SLC9A6: variants seen among roughly 807,000 people sequenced by gnomAD.
The protein encoded by SLC9A6 is solute carrier family 9 member A6.
SLC9A6 carries 6 observed loss-of-function variants against 45.3 expected under a neutral mutation model. That is an observed-to-expected ratio of 0.13 (90% CI 0.07 to 0.26). SLC9A6 has a LOEUF of 0.26. Ranked by LOEUF, SLC9A6 falls within the 10% of genes least tolerant of loss-of-function variation. The pLI is 1.00. For missense variants in SLC9A6, 278 were observed against 503.7 expected, an observed-to-expected ratio of 0.55 and a Z score of 4.29; for synonymous variants, 191 against 187.7, an observed-to-expected ratio of 1.02 and a Z score of -0.14.
chrX:136,022,610 G>A lies in SLC9A6; in HGVS notation c.1219G>A (p.Ala407Thr). The A allele has an allele frequency of 8.4e-7, 1 of 1,190,228 alleles. No individual in the cohort carries two copies. The highest frequency in any genetic ancestry group is 1.1e-6 in the Non-Finnish European group (1 of 879,721). ...AFVAIFLGRAANIYPLSLLLN... is the reference protein window; with the variant it reads ...AFVAIFLGRATNIYPLSLLLN... ...GGTTGCTATTTTCTTGGGAAGAGCT[G>A]CCAATATTTACCCCTTGTCCCTCTT... Residue 407 changes from alanine to threonine, a missense_variant, in exon 12 of 18, where the codon GCC becomes ACC. Physicochemically the swap from Ala to Thr is moderately conservative, Grantham distance 58. Transcript: ENST00000630721.
At chrX:136,010,231 C>CCG in intron 7 of SLC9A6, 7 of 341,243 alleles carry the variant, frequency 2.1e-5, no homozygotes, top group Non-Finnish European at 3.1e-5. Flanking sequence ...TCTACCCCCC[C>CCG]CCCGAAATTA....
intron 12 of SLC9A6, among the ~76,000 whole-genome samples, chrX:136,023,149 T>C (rs1390571394): frequency 1.5e-5 from 1 of 65,444 alleles, no homozygotes; most frequent in Non-Finnish European, 2.7e-5. Flanking sequence ...CATCCTTGAA[T>C]AGAAAAAGAA....
At chrX:136,011,833 G>C (rs1485095191) in intron 8 of SLC9A6, among the ~76,000 whole-genome samples, 1 of 111,363 alleles carries the variant, frequency 9.0e-6, no homozygotes, top group Non-Finnish European at 1.9e-5. Flanking sequence ...GCTCGTGCCT[G>C]TAATCCTAGC....
chrX:136,001,336 C>CAA (rs569372174), intron 6 of SLC9A6, among the ~76,000 whole-genome samples: 52 of 23,198 alleles, frequency 2.2e-3, no homozygotes, highest in African/African-American at 3.7e-3. Flanking sequence ...GACTCCATCT[C>CAA]AAAAAAAAAA....
Position 136,044,622 on chromosome X carries a change from G to A in SLC9A6, c.1938G>A (p.Gly646=). The A allele has an allele frequency of 1.7e-6, 2 of 1,210,311 alleles. No homozygotes were observed. The highest frequency in any genetic ancestry group is 2.2e-6 in the Non-Finnish European group (2 of 894,453). The change falls in exon 18 of 18, where the codon GGG becomes GGA. Residue 646 remains glycine, a synonymous_variant. Coordinates refer to ENST00000630721, the MANE Select transcript of SLC9A6 (RefSeq NM_001379110.1). ...EDALDRELAF[G]DHELVIRGTR... ...CCTTGGATCGGGAGCTTGCATTTGG[G>A]GACCATGAACTGGTCATTCGAGGAA...
intron 11 of SLC9A6, among the ~76,000 whole-genome samples, chrX:136,022,068 T>G (rs1364002052): frequency 8.9e-6 from 1 of 111,737 alleles, no homozygotes; most frequent in African/African-American, 3.3e-5. Flanking sequence ...CTGGTAGCCA[T>G]TTTAGTGCTG....
intron 17 of SLC9A6, among the ~76,000 whole-genome samples, chrX:136,042,493 A>G (rs1453610509): frequency 2.7e-5 from 3 of 111,827 alleles, no homozygotes; most frequent in Non-Finnish European, 5.6e-5. Flanking sequence ...GTAATTTTTT[A>G]TATTATCTTT....
intron 6 of SLC9A6, among the ~76,000 whole-genome samples, 183 bp downstream of exon 6, chrX:135,999,151 T>C (rs1556617056): frequency 9.1e-6 from 1 of 110,390 alleles, no homozygotes; most frequent in Non-Finnish European, 1.9e-5. Flanking sequence ...ACAAATTTGT[T>C]TTCCTTTTCC....
At chrX:136,029,594 G>A (rs12557805) in intron 14 of SLC9A6, 8,536 of 121,213 alleles carry the variant, frequency 0.07, 336 homozygotes, top group African/African-American at 0.16. Context: ...GAACTTTGTA[G>A]TGAAGCTTTT....
chrX:136,015,116 G>A (rs928164022), intron 10 of SLC9A6, among the ~76,000 whole-genome samples: 5 of 113,005 alleles, frequency 4.4e-5, no homozygotes, highest in South Asian at 3.6e-4. Flanking sequence ...CCTTGCCAGT[G>A]AGCTAAGCAT....
chrX:136,019,811 C>G (rs1556619703), intron 11 of SLC9A6, among the ~76,000 whole-genome samples: 1 of 111,856 alleles, frequency 8.9e-6, no homozygotes, highest in African/African-American at 3.3e-5. Context: ...CCCTAATGTC[C>G]TTTTTCTATT....
chrX:135,981,936 A>G (rs781796781), upstream of SLC9A6, among the ~76,000 whole-genome samples: 1 of 112,461 alleles, frequency 8.9e-6, no homozygotes, highest in Non-Finnish European at 1.9e-5. Context: ...CAACTGCTCA[A>G]CTCTGCCCTT....
At chrX:135,998,671 A>G in intron 5 of SLC9A6, 113 bp downstream of exon 5, 1 of 659,017 alleles carries the variant, frequency 1.5e-6, no homozygotes, top group East Asian at 3.5e-5. Context: ...AGACTTTTGC[A>G]ATATTCACGT....
intron 10 of SLC9A6, among the ~76,000 whole-genome samples, chrX:136,015,012 A>G (rs1005087939): frequency 8.9e-6 from 1 of 112,549 alleles, no homozygotes; most frequent in East Asian, 2.8e-4. Context: ...AGGAAGGCCT[A>G]GGGGAGGCAG....
chrX:135,976,046 T>G (rs1225879188), intron 1 of SLC9A6, among the ~76,000 whole-genome samples: 3 of 109,139 alleles, frequency 2.7e-5, no homozygotes, highest in South Asian at 4.0e-4. Context: ...TCAACTTTAC[T>G]TATATAATTT....
chrX:135,988,473 T>C (rs113398001), intron 2 of SLC9A6, among the ~76,000 whole-genome samples: 2 of 106,918 alleles, frequency 1.9e-5, no homozygotes, highest in Non-Finnish European at 3.8e-5. Context: ...TCTTTCTTTC[T>C]TTTCTTTCTT....
intron 1 of SLC9A6, among the ~76,000 whole-genome samples, chrX:135,979,966 A>G (rs782327917): frequency 1.8e-5 from 2 of 109,073 alleles, no homozygotes; most frequent in South Asian, 7.9e-4. Flanking sequence ...GGGTTTCACC[A>G]TGTTGCCCAG....
At chrX:136,019,566 C>T (rs1401939318) in intron 11 of SLC9A6, among the ~76,000 whole-genome samples, 1 of 112,343 alleles carries the variant, frequency 8.9e-6, no homozygotes, top group East Asian at 2.8e-4. Flanking sequence ...CCACATGTTT[C>T]GTGGTTACAT....
intron 3 of SLC9A6, among the ~76,000 whole-genome samples, chrX:135,996,352 A>G (rs2089496793): frequency 9.0e-6 from 1 of 111,178 alleles, no homozygotes; most frequent in South Asian, 3.7e-4. Context: ...GTTTCTGACC[A>G]TCTTTAATGC....
Sources: gnomAD v4.1 joint callset for allele counts (sites outside exome capture counted in the v4.1 genomes callset) on GRCh38, gnomAD v4.1.1 for gene constraint, MANE v1.5 for transcripts, NCBI Gene and HGNC (gene_info 2026-07-23, HGNC 2026-07-21) for gene names.